The following TDRD15 variants were observed in gnomAD, a reference collection of about 807,000 sequenced individuals.
The protein encoded by TDRD15 is tudor domain containing 15.
For synonymous variants in TDRD15, 503 were observed against 314.5 expected (o/e 1.60, Z -6.34); for missense variants, 1,416 against 904.7 (o/e 1.57, Z -7.25).
intron 2 of TDRD15, among the ~76,000 whole-genome samples, chr2:21,129,867 G>A (rs900116731): frequency 2.6e-5 from 4 of 152,156 alleles, no homozygotes; most frequent in Admixed American, 1.3e-4. Context: ...TACAGTTATG[G>A]AGACTGAGAA....
Position 21,141,405 on chromosome 2 carries a change from A to G in TDRD15, c.3938A>G (p.Gln1313Arg), listed in dbSNP as rs1558301016. ...AGTAATCCAGCGAATTTCCATATTC[A>G]GCTTGCTGAGAATGAAAGTGTAATT... is the stretch of plus-strand genomic sequence containing the variant. ...NISNPANFHI[Q>R]LAENESVIIR... Residue 1313 changes from glutamine to arginine, a missense_variant, in exon 4 of 4, where the codon CAG (glutamine) becomes CGG (arginine). Gln to Arg is a conservative substitution (Grantham distance 43). Coordinates refer to ENST00000405799, the MANE Select transcript of TDRD15 (RefSeq NM_001306137.2). 2.8e-6 allele frequency: 2 copies of G among 713,300 alleles called. No homozygotes were observed. The highest frequency in any genetic ancestry group is 4.0e-5 in the Admixed American group (2 of 49,396). 44.2% of individuals were successfully genotyped at this position (713,300 alleles called of 1,614,324 possible).
chr2:21,130,832 G>A (rs1368387657), intron 2 of TDRD15, among the ~76,000 whole-genome samples: 1 of 152,170 alleles, frequency 6.6e-6, no homozygotes, highest in Non-Finnish European at 1.5e-5. Context: ...AATAAAAAAG[G>A]TGGCAGTTTC....
At position 21,140,369 on chromosome 2, in the gene TDRD15, G is replaced by T; in HGVS notation, c.2902G>T (p.Glu968Ter). 1.4e-6 allele frequency: 1 copy of T among 705,346 alleles called. No individual in the cohort carries two copies. The highest frequency in any genetic ancestry group is 2.6e-6 in the Non-Finnish European group (1 of 380,920). The allele number at this position is 705,346 out of a possible 1,614,324, so 43.7% of individuals were successfully genotyped here. ...SFNIQIGSEE[E>*]VYISHIYSPQ... ...TAATATACAAATTGGAAGTGAAGAA[G>T]AAGTATATATATCTCACATATATAG... The change falls in exon 4 of 4, where the codon GAA becomes TAA. Residue 968 changes from glutamate (E) to a stop codon, truncating the protein, a stop_gained. Coordinates refer to ENST00000405799, the MANE Select transcript of TDRD15 (RefSeq NM_001306137.2). LOFTEE classifies it low-confidence loss of function (END_TRUNC).
At chr2:21,134,687 T>G (rs1665776289) in intron 2 of TDRD15, 75 bp from the exon 3 acceptor site, 2 of 152,002 alleles carry the variant, frequency 1.3e-5, no homozygotes, top group African/African-American at 4.8e-5. Flanking sequence ...ATCTTTTGCA[T>G]TTTACATTTT....
chr2:21,141,181 TG>T lies in TDRD15; in HGVS notation c.3715del (p.Val1239SerfsTer18). 1 of 715,026 alleles carries T rather than the reference TG, an allele frequency of 1.4e-6. No homozygotes were observed. The highest frequency in any genetic ancestry group is 2.6e-6 in the Non-Finnish European group (1 of 383,784). The allele number at this position is 715,026 out of a possible 1,614,324, so 44.3% of individuals were successfully genotyped here. A position where few individuals can be genotyped will look rare whatever the true frequency, so the allele number is the denominator to read the frequency against. On this transcript the variant is annotated frameshift_variant, in exon 4 of 4. Transcript: ENST00000405799. LOFTEE classifies it low-confidence loss of function (END_TRUNC). ...ATGATGGGCTTAAAGGTATAAAAAT[TG>T]TCCCTGGAGCTGCACATATTCTTGA... is the stretch of plus-strand genomic sequence containing the variant. ...LNDGLKGIKI[V>X]PGAAHILENR... is the part of the protein sequence containing the mutation.
chr2:21,136,062 GC>G (rs1461292047), intron 3 of TDRD15, among the ~76,000 whole-genome samples: 1 of 151,920 alleles, frequency 6.6e-6, no homozygotes, highest in African/African-American at 2.4e-5. Flanking sequence ...TTTCCCATAT[GC>G]CCATGTGAAT....
intron 3 of TDRD15, among the ~76,000 whole-genome samples, chr2:21,135,143 TATATA>T (rs982621725): frequency 7.5e-5 from 11 of 146,558 alleles, no homozygotes; most frequent in African/African-American, 9.9e-5. Flanking sequence ...ATTATATATT[TATATA>T]ATATATTTTA....
intron 1 of TDRD15, among the ~76,000 whole-genome samples, chr2:21,125,079 TCAGGGTGTGTGAGTGTGAGACCCTAATGC>T (rs1260754235): frequency 4.8e-5 from 7 of 146,356 alleles, no homozygotes; most frequent in African/African-American, 1.5e-4. Flanking sequence ...GACCCTAATG[TCAGGGTGTGTGAGTGTGAGACCCTAATGC>T]CAGGGTGTGT....
chr2:21,133,990 C>G (rs1390533690), intron 2 of TDRD15, among the ~76,000 whole-genome samples: 2 of 151,918 alleles, frequency 1.3e-5, no homozygotes, highest in Non-Finnish European at 2.9e-5. Context: ...TCATTTGTCT[C>G]TTTAATTACT....
intron 2 of TDRD15, among the ~76,000 whole-genome samples, chr2:21,129,961 G>A (rs780891296): frequency 6.6e-6 from 1 of 152,306 alleles, no homozygotes; most frequent in East Asian, 1.9e-4. Context: ...AGGGCATCAC[G>A]TGGACAGGGG....
intron 1 of TDRD15, among the ~76,000 whole-genome samples, chr2:21,126,466 A>C (rs1665600066): frequency 6.6e-6 from 1 of 151,852 alleles, no homozygotes; most frequent in South Asian, 2.1e-4. Flanking sequence ...TCCCGGGTTC[A>C]AGCGATTCTC....
rs1294417717 is a variant in TDRD15 at position 21,142,739 on chromosome 2, A to G, written c.5272A>G (p.Ile1758Val). ...FSIQLEDFFD[I>V]MKYLFMLLSD... is the part of the protein sequence containing the mutation. ...TATTCAGTTAGAAGATTTCTTTGACATAATGAAATACCTTTTTATGTTGCT... is the reference window on the plus strand; with the variant it reads ...TATTCAGTTAGAAGATTTCTTTGACGTAATGAAATACCTTTTTATGTTGCT... The change falls in exon 4 of 4, where the codon ATA becomes GTA. Residue 1758 changes from isoleucine (I) to valine (V), a missense_variant. Ile to Val is a conservative substitution (Grantham distance 29). Coordinates refer to ENST00000405799, the MANE Select transcript of TDRD15 (RefSeq NM_001306137.2). 11 of 713,576 alleles carry G rather than the reference A, an allele frequency of 1.5e-5. No homozygotes were observed. In the East Asian group the frequency reaches 2.7e-4, roughly 17 times the overall value. The allele number at this position is 713,576 out of a possible 1,614,324, so 44.2% of individuals were successfully genotyped here.
Position 21,142,170 on chromosome 2 carries a change from CTTTT to C in TDRD15, c.4706_4709del (p.Phe1569TyrfsTer10), listed in dbSNP as rs919660284. ...ATTACGAAAGAAGAAAAAAAATCCCCTTTTTTATCAATGGAAAGTATTGAAAAAG... is the reference window on the plus strand; with the variant it reads ...ATTACGAAAGAAGAAAAAAAATCCCCTTATCAATGGAAAGTATTGAAAAAG... On this transcript the variant is annotated frameshift_variant, in exon 4 of 4. Coordinates refer to ENST00000405799, the MANE Select transcript of TDRD15 (RefSeq NM_001306137.2). LOFTEE classifies it low-confidence loss of function (END_TRUNC). The C allele has an allele frequency of 7.4e-6, 5 of 671,734 alleles. No homozygotes were observed. 41.6% of individuals were successfully genotyped at this position (671,734 alleles called of 1,614,324 possible). A position where few individuals can be genotyped will look rare whatever the true frequency, so the allele number is the denominator to read the frequency against.
chr2:21,130,916 A>G (rs922249431), intron 2 of TDRD15, among the ~76,000 whole-genome samples: 7 of 152,206 alleles, frequency 4.6e-5, no homozygotes, highest in African/African-American at 1.7e-4. Context: ...ATGTCTTTTT[A>G]ATATTCCATG....
At chr2:21,133,176 A>G (rs774599271) in intron 2 of TDRD15, among the ~76,000 whole-genome samples, 41 of 152,340 alleles carry the variant, frequency 2.7e-4, no homozygotes, top group Non-Finnish European at 5.1e-4. Flanking sequence ...AGGTGAATCT[A>G]GAGACTATTC....
intron 1 of TDRD15, among the ~76,000 whole-genome samples, chr2:21,126,200 G>T (rs1207389652): frequency 6.6e-6 from 1 of 151,996 alleles, no homozygotes; most frequent in African/African-American, 2.4e-5. Context: ...TCGAACCTGC[G>T]CTCCCCTTAT....
At position 21,137,878 on chromosome 2, in the gene TDRD15, C is replaced by G. The variant is rs1159155026; in HGVS notation, c.411C>G (p.Ser137=). 1 of 715,702 alleles carries G rather than the reference C, an allele frequency of 1.4e-6. No individual in the cohort carries two copies. Among genetic ancestry groups the G allele is most frequent in the Non-Finnish European group, 2.6e-6 (1 of 384,258 alleles). The allele number at this position is 715,702 out of a possible 1,614,324, so 44.3% of individuals were successfully genotyped here. The change falls in exon 4 of 4, where the codon TCC becomes TCG. Residue 137 remains serine (S), a synonymous_variant. Coordinates refer to ENST00000405799, the MANE Select transcript of TDRD15 (RefSeq NM_001306137.2). ...ANILPVGEKW[S]PKALNYFKSL... is the part of the protein sequence containing the mutation. The stretch of plus-strand genomic sequence containing the variant: ...TACTACCAGTTGGGGAAAAATGGTC[C>G]CCTAAAGCTTTGAATTATTTCAAGT...
chr2:21,137,183 A>G (rs1193535313), intron 3 of TDRD15, among the ~76,000 whole-genome samples: 1 of 152,134 alleles, frequency 6.6e-6, no homozygotes, highest in East Asian at 1.9e-4. Flanking sequence ...TCTGGAAAAT[A>G]AAGGTTGCTC....
intron 2 of TDRD15, among the ~76,000 whole-genome samples, chr2:21,130,974 T>C (rs1452278225): frequency 2.0e-5 from 3 of 152,202 alleles, no homozygotes; most frequent in Non-Finnish European, 2.9e-5. Flanking sequence ...GATACTGAAC[T>C]GTGCAGATCG....
Sources: allele counts gnomAD v4.1 joint callset (sites outside exome capture counted in the v4.1 genomes callset), GRCh38; gene constraint gnomAD v4.1.1; transcripts MANE v1.5; gene names NCBI Gene and HGNC (gene_info 2026-07-23, HGNC 2026-07-21).